The following ANKRD30B variants were observed in gnomAD, a reference collection of about 807,000 sequenced individuals.
ANKRD30B encodes the protein ankyrin repeat domain-containing protein 30B.
In ANKRD30B, 144 loss-of-function variants were observed where a neutral mutation model predicts 202.2. The observed-to-expected ratio is 0.71, with a 90% CI of 0.62 to 0.82. ANKRD30B has a LOEUF of 0.82. Ranked by LOEUF, ANKRD30B falls within the 40% of genes least tolerant of loss-of-function variation. The pLI is 0.00. For missense variants in ANKRD30B, 1,487 were observed against 1,669.1 expected (o/e 0.89, Z 1.90); for synonymous variants, 508 against 561.3 (o/e 0.91, Z 1.34).
the ANKRD30B span, among the ~76,000 whole-genome samples, chr18:14,897,417 G>C: frequency 1.3e-5 from 2 of 152,198 alleles, no homozygotes; most frequent in Non-Finnish European, 2.9e-5. Flanking sequence ...CTGACCTCAG[G>C]TCATTCACCT....
the ANKRD30B span, among the ~76,000 whole-genome samples, chr18:14,887,219 G>T: frequency 6.6e-6 from 1 of 151,994 alleles, no homozygotes; most frequent in East Asian, 1.9e-4. Flanking sequence ...TTATCTGTAG[G>T]CTGACCTCAA....
chr18:14,895,326 A>G, the ANKRD30B span, among the ~76,000 whole-genome samples: 4,817 of 152,190 alleles, frequency 0.032, 109 homozygotes, highest in Middle Eastern at 0.054. Context: ...TAAAACAACA[A>G]TGAGATACCT....
Position 14,772,210 on chromosome 18 carries a change from CTT to C in ANKRD30B, c.1313_1314del (p.Phe438Ter), listed in dbSNP as rs763126265. On this transcript the variant is annotated frameshift_variant, in exon 9 of 44. Coordinates refer to ENST00000690538, the MANE Select transcript of ANKRD30B (RefSeq NM_001367607.2). LOFTEE classifies it high-confidence loss of function. ...NSQCTKVEED[F>X]NLATKIISKS... ...CACAGTGTACAAAAGTTGAGGAAGA[CTT>C]TAATCTTGCTACCAAGGTAAAATGT... 3.1e-5 allele frequency: 46 copies of C among 1,504,386 alleles called. No homozygotes were observed. The highest frequency in any genetic ancestry group is 4.1e-5 in the Non-Finnish European group (46 of 1,120,106). 93.2% of individuals were successfully genotyped at this position (1,504,386 alleles called of 1,614,324 possible).
chr18:14,914,712 T>C, the ANKRD30B span, among the ~76,000 whole-genome samples: 1 of 152,138 alleles, frequency 6.6e-6, no homozygotes, highest in Non-Finnish European at 1.5e-5. Context: ...GAAAGGTCAT[T>C]TATTTTAATT....
chr18:14,919,221 G>A, the ANKRD30B span, among the ~76,000 whole-genome samples: 1 of 152,228 alleles, frequency 6.6e-6, no homozygotes, highest in African/African-American at 2.4e-5. Flanking sequence ...CAGATATAAG[G>A]AGGGCCAAAA....
chr18:14,897,968 T>C, the ANKRD30B span, among the ~76,000 whole-genome samples: 1 of 152,360 alleles, frequency 6.6e-6, no homozygotes, highest in East Asian at 1.9e-4. Context: ...CTTTATTTTA[T>C]GCACTATTAG....
the ANKRD30B span, among the ~76,000 whole-genome samples, chr18:14,908,566 C>G: frequency 6.6e-6 from 1 of 152,232 alleles, no homozygotes; most frequent in Non-Finnish European, 1.5e-5. Context: ...CCCTAACCCT[C>G]TCGCTCTGAC....
chr18:14,752,791 T>C (rs900948445), intron 2 of ANKRD30B, 48 bp from the exon 3 acceptor site: 2 of 1,561,856 alleles, frequency 1.3e-6, no homozygotes, highest in Non-Finnish European at 1.7e-6. Flanking sequence ...GAATACTTAT[T>C]TTGATTTCCT....
At chr18:14,869,303 G>A in the ANKRD30B span, among the ~76,000 whole-genome samples, 688 of 151,586 alleles carry the variant, frequency 4.5e-3, 6 homozygotes, top group African/African-American at 0.015. Context: ...CATCTTACTA[G>A]CACCTTCCAG....
chr18:14,794,809 A>C (rs1968764184), intron 16 of ANKRD30B, among the ~76,000 whole-genome samples: 1 of 152,174 alleles, frequency 6.6e-6, no homozygotes, highest in African/African-American at 2.4e-5. Context: ...TGATCAATCA[A>C]CTCCAAAGGA....
intron 11 of ANKRD30B, among the ~76,000 whole-genome samples, chr18:14,780,729 C>G (rs1210062498): frequency 6.6e-6 from 1 of 152,202 alleles, no homozygotes; most frequent in African/African-American, 2.4e-5. Context: ...CAGTTTTGTA[C>G]AACTTGAAAC....
chr18:14,868,153 C>G, the ANKRD30B span, among the ~76,000 whole-genome samples: 1 of 152,248 alleles, frequency 6.6e-6, no homozygotes, highest in African/African-American at 2.4e-5. Flanking sequence ...GTTCCTTTGG[C>G]GTCAGTGCTA....
chr18:14,769,970 G>A (rs1381940453), intron 8 of ANKRD30B, among the ~76,000 whole-genome samples: 1 of 152,174 alleles, frequency 6.6e-6, no homozygotes, highest in Non-Finnish European at 1.5e-5. Flanking sequence ...TTTACTCTTA[G>A]TGGAGAATAG....
chr18:14,890,006 T>A, the ANKRD30B span: 3 of 1,097,448 alleles, frequency 2.7e-6, no homozygotes, highest in Non-Finnish European at 4.1e-6. Context: ...AGAGTTTTCC[T>A]TCCTCATTCA....
chr18:14,754,534 A>G (rs1327507129), intron 3 of ANKRD30B, among the ~76,000 whole-genome samples: 1 of 152,146 alleles, frequency 6.6e-6, no homozygotes, highest in Admixed American at 6.6e-5. Context: ...AATATTATAG[A>G]TTACTCATTT....
At chr18:14,769,274 G>T in intron 7 of ANKRD30B, 69 bp from the exon 8 acceptor site, 1 of 1,246,680 alleles carries the variant, frequency 8.0e-7, no homozygotes, top group Non-Finnish European at 1.1e-6. Flanking sequence ...GCCCTCTTAC[G>T]TTGTTAATAC....
intron 18 of ANKRD30B, among the ~76,000 whole-genome samples, chr18:14,797,137 C>A (rs1968957847): frequency 6.6e-6 from 1 of 152,016 alleles, no homozygotes; most frequent in Admixed American, 6.5e-5. Flanking sequence ...ATGCCTTAAC[C>A]CTAAAGAGGC....
At chr18:14,757,980 G>A in intron 5 of ANKRD30B, 28 bp downstream of exon 5, 1 of 1,554,084 alleles carries the variant, frequency 6.4e-7, no homozygotes, top group Non-Finnish European at 8.7e-7. Context: ...AAGGCTAGGT[G>A]AAATTTTATT....
At chr18:14,839,549 T>C (rs1971325926) in intron 36 of ANKRD30B, among the ~76,000 whole-genome samples, 3 of 152,236 alleles carry the variant, frequency 2.0e-5, no homozygotes, top group South Asian at 4.1e-4. Context: ...GTGTCTGGCA[T>C]ATGTTAGATG....
Sources: gnomAD v4.1 joint callset for allele counts (sites outside exome capture counted in the v4.1 genomes callset) on GRCh38, gnomAD v4.1.1 for gene constraint, MANE v1.5 for transcripts, NCBI Gene and HGNC (gene_info 2026-07-23, HGNC 2026-07-21) for gene names.